IMMP2L: variants seen among roughly 807,000 people sequenced by gnomAD.
IMMP2L encodes mitochondrial inner membrane protease subunit 2.
In IMMP2L, 18 loss-of-function variants were observed where a neutral mutation model predicts 19.3. That is an observed-to-expected ratio of 0.93 (90% CI 0.64 to 1.38). The LOEUF is 1.38. IMMP2L is among the 40% of genes most tolerant of loss of function. The probability of loss-of-function intolerance (pLI) is 0.00; values close to 1 mark genes in which losing one functional copy is unlikely to be tolerated. For missense variants in IMMP2L, 233 were observed against 218.2 expected (o/e 1.07, Z -0.43); for synonymous variants, 76 against 73.0 (o/e 1.04, Z -0.21).
rs1798315827 is a variant in IMMP2L at position 110,760,930 on chromosome 7, A to C, written c.409-97209T>G. ...GTCAAACCAGATGTATAAGTGACAT[A>C]AGTGGGTTGGAGAATAGAGAAAGCA... On this transcript the variant is annotated intron_variant, in intron 5 of 5. Transcript: ENST00000405709. The surrounding 1 kb of genome is among the most constrained non-coding windows in gnomAD (Gnocchi z 4.2). Among the ~76,000 whole-genome samples, 1 of 152,126 alleles carries C rather than the reference A, an allele frequency of 6.6e-6. No individual in the cohort carries two copies. Among genetic ancestry groups the C allele is most frequent in the South Asian group, 2.1e-4 (1 of 4,828 alleles).
chr7:111,260,035 T>C (rs1031509900), intron 3 of IMMP2L, among the ~76,000 whole-genome samples: 53 of 152,152 alleles, frequency 3.5e-4, no homozygotes, highest in African/African-American at 1.3e-3. Context: ...GAATACCTAC[T>C]GAAGGACCTG....
intron 3 of IMMP2L, among the ~76,000 whole-genome samples, chr7:111,419,236 T>C (rs1316838557): frequency 6.6e-6 from 1 of 151,804 alleles, no homozygotes; most frequent in Non-Finnish European, 1.5e-5. Flanking sequence ...AAATGGGAAG[T>C]TTTATTAAAT....
intron 3 of IMMP2L, among the ~76,000 whole-genome samples, chr7:111,259,972 G>A (rs1344365225): frequency 1.3e-5 from 2 of 151,934 alleles, no homozygotes; most frequent in African/African-American, 4.8e-5. Flanking sequence ...GGTCTTCAGG[G>A]GCAAAAACAT....
At chr7:111,429,559 A>C (rs1286637123) in intron 3 of IMMP2L, among the ~76,000 whole-genome samples, 5 of 151,890 alleles carry the variant, frequency 3.3e-5, no homozygotes, top group Admixed American at 2.0e-4. Context: ...CTTTAAAAAA[A>C]AAAATCAACA....
chr7:111,017,285 C>T (rs544214283), intron 3 of IMMP2L, among the ~76,000 whole-genome samples: 1 of 151,674 alleles, frequency 6.6e-6, no homozygotes, highest in African/African-American at 2.4e-5. Context: ...GCTGTTCTCA[C>T]ACTCCTAGGC....
rs1811527865 is a variant in IMMP2L at position 111,213,269 on chromosome 7, C to T, written c.240-249704G>A. Among the ~76,000 whole-genome samples the T allele has an allele frequency of 6.6e-6, 1 of 152,218 alleles. No individual in the cohort carries two copies. The highest frequency in any genetic ancestry group is 1.5e-5 in the Non-Finnish European group (1 of 68,034). ...GAGTGTGCACACAATAAGGGCAGCA[C>T]TGACATACCAGCACCCTGCTGCCTC... On this transcript the variant is annotated intron_variant, in intron 3 of 5. Transcript: ENST00000405709. The surrounding 1 kb of genome is among the most constrained non-coding windows in gnomAD (Gnocchi z 4.8).
intron 3 of IMMP2L, among the ~76,000 whole-genome samples, chr7:111,233,992 A>G (rs1477793669): frequency 6.6e-6 from 1 of 152,116 alleles, no homozygotes; most frequent in East Asian, 1.9e-4. Flanking sequence ...TGGAATATAC[A>G]AAAAGACAAC....
At chr7:111,411,481 C>G (rs79558992) in intron 3 of IMMP2L, 4 of 475,260 alleles carry the variant, frequency 8.4e-6, no homozygotes, top group Non-Finnish European at 1.7e-5. Context: ...CGGGCAAGCA[C>G]GGCATGGGCT....
intron 3 of IMMP2L, among the ~76,000 whole-genome samples, chr7:111,279,347 G>A (rs1015220863): frequency 5.3e-5 from 8 of 152,130 alleles, no homozygotes; most frequent in Middle Eastern, 3.4e-3. Context: ...GACCTTATTT[G>A]GAAAAAGCTT....
chr7:111,199,530 T>C (rs1318827037), intron 3 of IMMP2L, among the ~76,000 whole-genome samples: 1 of 152,154 alleles, frequency 6.6e-6, no homozygotes, highest in African/African-American at 2.4e-5. Flanking sequence ...GAAAAGCCAA[T>C]GGTAATCACT....
intron 5 of IMMP2L, 86 bp downstream of exon 5, chr7:110,886,507 G>A: frequency 1.3e-6 from 1 of 759,524 alleles, no homozygotes. Context: ...AGTCTTGGCT[G>A]AGTTACCTGA....
At chr7:111,068,900 A>T (rs1794729898) in intron 3 of IMMP2L, among the ~76,000 whole-genome samples, 1 of 152,184 alleles carries the variant, frequency 6.6e-6, no homozygotes, top group South Asian at 2.1e-4. Flanking sequence ...TTAGTGGGCT[A>T]TCAGGGATGA....
At chr7:111,341,996 G>A (rs13227788) in intron 3 of IMMP2L, among the ~76,000 whole-genome samples, 4,941 of 152,178 alleles carry the variant, frequency 0.032, 127 homozygotes, top group South Asian at 0.057. Flanking sequence ...CTAGAACCAT[G>A]AGCCAATAAA....
At chr7:111,243,694 G>A (rs1815490263) in intron 3 of IMMP2L, among the ~76,000 whole-genome samples, 1 of 99,640 alleles carries the variant, frequency 1.0e-5, no homozygotes, top group Non-Finnish European at 2.0e-5. Flanking sequence ...AGTCCCCAGA[G>A]TGTGATATTC....
intron 4 of IMMP2L, among the ~76,000 whole-genome samples, chr7:110,920,486 T>A (rs1278997468): frequency 6.6e-6 from 1 of 152,210 alleles, no homozygotes; most frequent in East Asian, 1.9e-4. Flanking sequence ...TTAAAGTTTT[T>A]GAAAGTGATT....
intron 3 of IMMP2L, among the ~76,000 whole-genome samples, chr7:111,309,732 G>C (rs1823295523): frequency 6.6e-6 from 1 of 152,024 alleles, no homozygotes; most frequent in Admixed American, 6.6e-5. Context: ...AGTATTTGTT[G>C]TACTTGTGAC....
At chr7:111,365,150 T>C (rs151163909) in intron 3 of IMMP2L, among the ~76,000 whole-genome samples, 200 of 152,192 alleles carry the variant, frequency 1.3e-3, no homozygotes, top group Middle Eastern at 3.4e-3. Context: ...ACTTTTAAAA[T>C]TGAATTCAGT....
chr7:111,504,750 G>A (rs983272868), intron 2 of IMMP2L, among the ~76,000 whole-genome samples: 36 of 152,156 alleles, frequency 2.4e-4, no homozygotes, highest in African/African-American at 8.7e-4. Context: ...AAATGGTGCT[G>A]GGAAAACTGG....
intron 3 of IMMP2L, among the ~76,000 whole-genome samples, chr7:110,996,644 TTC>T (rs956348948): frequency 3.3e-5 from 5 of 152,108 alleles, no homozygotes; most frequent in African/African-American, 1.2e-4. Flanking sequence ...CTCTTTTTTT[TTC>T]TGAGTGAGCT....
Sources: allele counts gnomAD v4.1 joint callset (sites outside exome capture counted in the v4.1 genomes callset), GRCh38; gene constraint gnomAD v4.1.1; non-coding constraint Gnocchi (gnomAD v3.1); transcripts MANE v1.5; gene names NCBI Gene and HGNC (gene_info 2026-07-23, HGNC 2026-07-21).